Variants in EIF4B observed in about 807,000 individuals in gnomAD.
The protein encoded by EIF4B is eukaryotic translation initiation factor 4B.
EIF4B carries 8 observed loss-of-function variants against 79.3 expected under a neutral mutation model. The ratio of observed to expected loss-of-function variants is 0.10; its 90% CI spans 0.06 to 0.18. The LOEUF (loss-of-function observed/expected upper bound fraction) is 0.18, where lower values mean the gene tolerates loss of function less well. Among genes scored for constraint, EIF4B ranks in the 10% least tolerant of loss-of-function variants. EIF4B has a pLI of 1.00. For missense variants in EIF4B, 515 were observed against 792.4 expected (o/e 0.65, Z 4.20); for synonymous variants, 238 against 274.7 (o/e 0.87, Z 1.32).
intron 8 of EIF4B, among the ~76,000 whole-genome samples, chr12:53,032,567 A>G (rs768078418): frequency 6.6e-6 from 1 of 152,148 alleles, no homozygotes; most frequent in Non-Finnish European, 1.5e-5. Context: ...GTCTTGATAG[A>G]TTATTAATTT....
chr12:53,016,433 G>C (rs751403272), intron 1 of EIF4B, 40 bp from the exon 2 acceptor site: 1 of 1,610,862 alleles, frequency 6.2e-7, no homozygotes, highest in Admixed American at 1.7e-5. Flanking sequence ...GTAAATACCT[G>C]AGTATTGGTG....
intron 11 of EIF4B, 38 bp downstream of exon 11, chr12:53,037,660 AT>A: frequency 6.2e-7 from 1 of 1,602,132 alleles, no homozygotes. Flanking sequence ...TTAACTGCAG[AT>A]TCTAAAATAC....
At chr12:53,039,586 G>A (rs537987122) in intron 13 of EIF4B, 44 bp from the exon 14 acceptor site, 23 of 1,607,668 alleles carry the variant, frequency 1.4e-5, no homozygotes, top group South Asian at 4.4e-5. Context: ...TGTATTAGGC[G>A]AGTCCTTTCC....
At chr12:53,018,545 GCA>G (rs1943184457) in intron 2 of EIF4B, among the ~76,000 whole-genome samples, 1 of 152,062 alleles carries the variant, frequency 6.6e-6, no homozygotes, top group South Asian at 2.1e-4. Context: ...AAAGTAGCTG[GCA>G]CACAGTAATA....
chr12:53,023,993 C>G (rs113492042), intron 6 of EIF4B, among the ~76,000 whole-genome samples: 1 of 152,100 alleles, frequency 6.6e-6, no homozygotes, highest in African/African-American at 2.4e-5. Context: ...AATTGATTCA[C>G]TTAAATGCTC....
chr12:53,022,885 C>T (rs929231442), intron 6 of EIF4B, among the ~76,000 whole-genome samples: 3 of 152,084 alleles, frequency 2.0e-5, no homozygotes, highest in Non-Finnish European at 4.4e-5. Flanking sequence ...TATAAAGAAA[C>T]CCAAACTGGG....
intron 6 of EIF4B, among the ~76,000 whole-genome samples, chr12:53,027,574 T>A (rs978576130): frequency 6.6e-6 from 1 of 152,228 alleles, no homozygotes; most frequent in African/African-American, 2.4e-5. Flanking sequence ...GGAAATTCAT[T>A]ATGGAATATT....
rs1943491885 is a variant in EIF4B, at chr12:53,033,958, G to C, written c.1132G>C (p.Glu378Gln). 1 of 1,614,012 alleles carries C rather than the reference G, an allele frequency of 6.2e-7. No individual in the cohort carries two copies. Among genetic ancestry groups the C allele is most frequent in the Admixed American group, 1.7e-5 (1 of 59,988 alleles). The change falls in exon 9 of 15, where the codon GAA (glutamate) becomes CAA (glutamine). Residue 378 changes from glutamate to glutamine, a missense_variant. Physicochemically the swap from Glu to Gln is conservative, Grantham distance 29. Transcript: ENST00000262056. ...AGCTGCTAGAGAAAGAGAAGTAGAA[G>C]AACGGCTACAGAAGGAACAAGAGAA... ...DTAAREREVE[E>Q]RLQKEQEKLQ... is the part of the protein sequence containing the mutation.
intron 8 of EIF4B, among the ~76,000 whole-genome samples, chr12:53,032,670 T>G (rs941705064): frequency 3.7e-4 from 34 of 91,304 alleles, no homozygotes; most frequent in Middle Eastern, 4.9e-3. Flanking sequence ...GGTTTTTTTG[T>G]TTTTTTTTTT....
chr12:53,019,575 AGGCTGGTCTTGAACT>A (rs1943214189), intron 3 of EIF4B, among the ~76,000 whole-genome samples: 1 of 145,708 alleles, frequency 6.9e-6, no homozygotes, highest in Admixed American at 7.1e-5. Context: ...TATGTTGGTC[AGGCTGGTCTTGAACT>A]CCTGACCTCA....
chr12:53,017,129 T>G (rs1943161226), intron 2 of EIF4B, among the ~76,000 whole-genome samples: 1 of 152,110 alleles, frequency 6.6e-6, no homozygotes, highest in Admixed American at 6.5e-5. Context: ...GGCATGTGCC[T>G]GTAATTTCAG....
At chr12:53,021,431 C>A (rs1345387724) in intron 4 of EIF4B, among the ~76,000 whole-genome samples, 2 of 152,202 alleles carry the variant, frequency 1.3e-5, no homozygotes, top group African/African-American at 4.8e-5. Context: ...CTGCACCTGG[C>A]TTCTATAAAT....
In EIF4B at chr12:53,039,816, T is replaced by G. The variant is rs1464833665; in HGVS notation, c.1755+114T>G. 5 of 1,167,058 alleles carry G rather than the reference T, an allele frequency of 4.3e-6. No homozygotes were observed. In the African/African-American group the frequency reaches 7.7e-5, roughly 18 times the overall value. 72.3% of individuals were successfully genotyped at this position (1,167,058 alleles called of 1,614,324 possible). ...TATTCTAAACTTTTTGCCGTTGGAC[T>G]TCTTTCCATTTGGAATACAAAGTGT... On this transcript the variant is annotated intron_variant, in intron 14 of 14. Coordinates refer to ENST00000262056, the MANE Select transcript of EIF4B (RefSeq NM_001417.7).
At chr12:53,035,987 T>TTTTGTATTTTCAATAGAGACGCAGA (rs141046894) in intron 10 of EIF4B, among the ~76,000 whole-genome samples, 29,288 of 150,798 alleles carry the variant, frequency 0.19, 4,956 homozygotes, top group African/African-American at 0.46. Flanking sequence ...CCGACTAATT[T>TTTTGTATTTTCAATAGAGACGCAGA]TTTGAACGGG....
chr12:53,023,497 C>G (rs1404672006), intron 6 of EIF4B, among the ~76,000 whole-genome samples: 2 of 151,928 alleles, frequency 1.3e-5, no homozygotes, highest in African/African-American at 2.4e-5. Context: ...TCCCAAAGTG[C>G]TGGGATTACA....
chr12:53,011,761 A>G, intron 1 of EIF4B, among the ~76,000 whole-genome samples: 1 of 152,184 alleles, frequency 6.6e-6, no homozygotes, highest in South Asian at 2.1e-4. Context: ...TTCCGTTTTT[A>G]AGATCTTTTA....
intron 9 of EIF4B, 82 bp from the exon 10 acceptor site, chr12:53,034,530 T>C (rs1943503828): frequency 7.8e-7 from 1 of 1,281,068 alleles, no homozygotes; most frequent in Admixed American, 1.8e-5. Context: ...AAGTAAGTGA[T>C]GGTTCTTGAG....
intron 2 of EIF4B, among the ~76,000 whole-genome samples, chr12:53,017,252 CA>C (rs57053490): frequency 0.016 from 2,225 of 142,834 alleles, 73 homozygotes; most frequent in East Asian, 0.15. Flanking sequence ...GACTCCATCT[CA>C]AAAAAAAAAA....
chr12:53,027,216 C>T (rs546814432), intron 6 of EIF4B, among the ~76,000 whole-genome samples: 1 of 142,346 alleles, frequency 7.0e-6, no homozygotes, highest in African/African-American at 2.5e-5. Flanking sequence ...TCAGCGCAAC[C>T]TCCGCCTCCC....
Sources: allele counts gnomAD v4.1 joint callset (sites outside exome capture counted in the v4.1 genomes callset), GRCh38; gene constraint gnomAD v4.1.1; transcripts MANE v1.5; gene names NCBI Gene and HGNC (gene_info 2026-07-23, HGNC 2026-07-21).